Variants in CERS6 observed in about 807,000 individuals in gnomAD.
CERS6 encodes the protein ceramide synthase 6, also known as LAG1 homolog, ceramide synthase 6.
In CERS6, 26 loss-of-function variants were observed where a neutral mutation model predicts 56.8. The ratio of observed to expected loss-of-function variants is 0.46; its 90% CI spans 0.34 to 0.63. The LOEUF is 0.63. Ranked by LOEUF, CERS6 falls within the 30% of genes least tolerant of loss-of-function variation. The pLI, the probability that CERS6 is intolerant of heterozygous loss-of-function variation, is 0.01. For synonymous variants in CERS6, 164 were observed against 173.3 expected, an observed-to-expected ratio of 0.95 and a Z score of 0.42; for missense variants, 415 against 467.5, an observed-to-expected ratio of 0.89 and a Z score of 1.04.
chr2:168,563,102 G>A (rs1239920337), intron 3 of CERS6, among the ~76,000 whole-genome samples: 1 of 152,176 alleles, frequency 6.6e-6, no homozygotes, highest in African/African-American at 2.4e-5. Flanking sequence ...GAGATTTTAA[G>A]ATAAGCATCA....
At chr2:168,725,999 G>A (rs1042567206) in intron 8 of CERS6, among the ~76,000 whole-genome samples, 5 of 152,158 alleles carry the variant, frequency 3.3e-5, no homozygotes, top group South Asian at 4.1e-4. Context: ...TAATCTCTAC[G>A]TTCCTAACAA....
intron 1 of CERS6, among the ~76,000 whole-genome samples, chr2:168,537,131 G>A (rs1446322860): frequency 6.6e-6 from 1 of 152,104 alleles, no homozygotes; most frequent in African/African-American, 2.4e-5. Flanking sequence ...AATACATGTA[G>A]TATGATGCAA....
chr2:168,732,608 C>T (rs1259903013), intron 8 of CERS6, among the ~76,000 whole-genome samples: 1 of 152,236 alleles, frequency 6.6e-6, no homozygotes, highest in Non-Finnish European at 1.5e-5. Flanking sequence ...TATTTTCTCA[C>T]CCCACATGCT....
chr2:168,600,211 T>TCTCTC (rs1553497951), intron 3 of CERS6, among the ~76,000 whole-genome samples: 2,626 of 86,774 alleles, frequency 0.03, 69 homozygotes, highest in African/African-American at 0.085. Context: ...TCTCTCTCTC[T>TCTCTC]TTTTTTTTTT....
intron 6 of CERS6, among the ~76,000 whole-genome samples, chr2:168,695,325 T>C (rs1686618843): frequency 6.6e-6 from 1 of 152,214 alleles, no homozygotes; most frequent in Non-Finnish European, 1.5e-5. Flanking sequence ...TCTCTCAATC[T>C]AATTCCCAAG....
chr2:168,465,991 T>G (rs1055501799), intron 1 of CERS6, among the ~76,000 whole-genome samples: 1 of 151,652 alleles, frequency 6.6e-6, no homozygotes, highest in Non-Finnish European at 1.5e-5. Context: ...TCTGTTTATC[T>G]CAGTTTCATC....
intron 3 of CERS6, among the ~76,000 whole-genome samples, chr2:168,625,149 T>C (rs1023916527): frequency 3.3e-5 from 5 of 152,192 alleles, no homozygotes; most frequent in African/African-American, 1.2e-4. Context: ...ATGGAAAAGC[T>C]GAAATGAGAA....
intron 1 of CERS6, among the ~76,000 whole-genome samples, chr2:168,484,735 CT>C (rs11323642): frequency 0.077 from 11,660 of 152,038 alleles, 498 homozygotes; most frequent in East Asian, 0.18. Context: ...GCTTTAGTGT[CT>C]TTTTCATTCC....
intron 3 of CERS6, among the ~76,000 whole-genome samples, chr2:168,601,536 C>T (rs1321730342): frequency 4.0e-5 from 6 of 151,478 alleles, no homozygotes; most frequent in African/African-American, 9.7e-5. Flanking sequence ...CTCAGGTGGA[C>T]GCCAGTTTCT....
intron 1 of CERS6, among the ~76,000 whole-genome samples, chr2:168,478,533 A>G (rs1558964826): frequency 6.6e-6 from 1 of 152,234 alleles, no homozygotes; most frequent in South Asian, 2.1e-4. Flanking sequence ...AGTGTGAACC[A>G]TAGACCATCA....
In CERS6 at chr2:168,456,374, G is replaced by GCATCCCCGGGCGCC; in HGVS notation, c.-73_-60dup. 4.1e-6 allele frequency: 5 copies of GCATCCCCGGGCGCC among 1,215,904 alleles called. No homozygotes were observed. Among genetic ancestry groups the GCATCCCCGGGCGCC allele is most frequent in the Non-Finnish European group, 5.4e-6 (5 of 918,566 alleles). 75.3% of individuals were successfully genotyped at this position (1,215,904 alleles called of 1,614,324 possible). A position where few individuals can be genotyped will look rare whatever the true frequency, so the allele number is the denominator to read the frequency against. On this transcript the variant is annotated 5_prime_UTR_variant, in exon 1 of 10. Transcript: ENST00000305747. This position sits in a 1 kb window ranked among gnomAD's most constrained non-coding sequence, Gnocchi z 4.1. ...CACAGGCTCGGGGCCAGCCGGGCGC[G>GCATCCCCGGGCGCC]CATCCCCGGGCGCCCTGCGCGGTGG...
At chr2:168,557,155 C>A (rs1377981335) in intron 2 of CERS6, among the ~76,000 whole-genome samples, 2 of 151,968 alleles carry the variant, frequency 1.3e-5, no homozygotes, top group Admixed American at 6.6e-5. Context: ...GAGAGTTAGA[C>A]CCTATCTCAA....
chr2:168,743,811 C>T (rs929588417), intron 8 of CERS6, among the ~76,000 whole-genome samples: 23 of 152,036 alleles, frequency 1.5e-4, no homozygotes, highest in African/African-American at 5.3e-4. Flanking sequence ...AGGTATCCAG[C>T]ACAGGATCCA....
intron 4 of CERS6, among the ~76,000 whole-genome samples, chr2:168,690,777 G>GA (rs1344078175): frequency 6.6e-6 from 1 of 152,080 alleles, no homozygotes; most frequent in Non-Finnish European, 1.5e-5. Context: ...CAGCAAAATA[G>GA]AAAAAACACC....
intron 4 of CERS6, among the ~76,000 whole-genome samples, chr2:168,656,414 A>T (rs1559038733): frequency 6.6e-6 from 1 of 152,040 alleles, no homozygotes; most frequent in Non-Finnish European, 1.5e-5. Context: ...TGAGTGTTAC[A>T]GCTCTTAAGG....
Position 168,547,657 on chromosome 2 carries a change from C to T in CERS6, c.232C>T (p.Pro78Ser). The change falls in exon 2 of 10, where the codon CCG (proline) becomes TCG (serine). Residue 78 changes from proline (P) to serine (S), a missense_variant. Coordinates refer to ENST00000305747, the MANE Select transcript of CERS6 (RefSeq NM_203463.3). ...NIQANGPQIA[P>S]PNAILEKVFT... ...TCAGGCCAATGGACCACAAATTGCTCCGCCCAATGCCATTCTGGAAAAGGT... is the reference window on the plus strand; with the variant it reads ...TCAGGCCAATGGACCACAAATTGCTTCGCCCAATGCCATTCTGGAAAAGGT... 9.3e-6 allele frequency: 15 copies of T among 1,613,748 alleles called. No individual in the cohort carries two copies. The highest frequency in any genetic ancestry group is 1.2e-5 in the Non-Finnish European group (14 of 1,179,624).
intron 8 of CERS6, among the ~76,000 whole-genome samples, chr2:168,723,461 A>G (rs1022198951): frequency 1.3e-4 from 20 of 152,220 alleles, no homozygotes; most frequent in African/African-American, 4.8e-4. Flanking sequence ...CCCCTTTCCT[A>G]TTATCTTCAT....
chr2:168,752,320 T>G (rs112726570), intron 8 of CERS6, among the ~76,000 whole-genome samples: 126 of 125,192 alleles, frequency 1.0e-3, no homozygotes, highest in Middle Eastern at 3.8e-3. Flanking sequence ...TGTGTGTGTA[T>G]AGAGAGAGAG....
chr2:168,745,242 T>A (rs908000225), intron 8 of CERS6, among the ~76,000 whole-genome samples: 2 of 91,728 alleles, frequency 2.2e-5, no homozygotes, highest in African/African-American at 8.0e-5. Context: ...TTTATCAGTT[T>A]AAAAATTTTT....
Sources: allele counts gnomAD v4.1 joint callset (sites outside exome capture counted in the v4.1 genomes callset), GRCh38; gene constraint gnomAD v4.1.1; non-coding constraint Gnocchi (gnomAD v3.1); transcripts MANE v1.5; gene names NCBI Gene and HGNC (gene_info 2026-07-23, HGNC 2026-07-21).